ZNF512B: variants seen among roughly 807,000 people sequenced by gnomAD.
The protein encoded by ZNF512B is zinc finger protein 512B.
In ZNF512B, 22 loss-of-function variants were observed where a neutral mutation model predicts 87.8. The ratio of observed to expected loss-of-function variants is 0.25; its 90% CI spans 0.18 to 0.36. The LOEUF (loss-of-function observed/expected upper bound fraction) is 0.36, where lower values mean the gene tolerates loss of function less well. Among genes scored for constraint, ZNF512B ranks in the 10% least tolerant of loss-of-function variants. ZNF512B has a pLI of 1.00. For missense variants in ZNF512B, 1,060 were observed against 1,231.6 expected (o/e 0.86, Z 2.09); for synonymous variants, 524 against 490.9 (o/e 1.07, Z -0.89).
rs1468625427 is a variant in ZNF512B, at chr20:63,967,924, G to A, written c.27C>T (p.Gly9=). The A allele has an allele frequency of 3.1e-6, 5 of 1,612,026 alleles. No individual in the cohort carries two copies. Among genetic ancestry groups the A allele is most frequent in the Non-Finnish European group, 4.2e-6 (5 of 1,179,186 alleles). The change falls in exon 2 of 17, where the codon GGC becomes GGT. Residue 9 remains glycine, a synonymous_variant. Coordinates refer to ENST00000369888, the MANE Select transcript of ZNF512B (RefSeq NM_020713.3). Reference sequence around the variant, plus strand: ...TCTTGCTGGACCCCGGGAGCCGACGGCCTCCAACGCAGAAAGGATCCGTCA... The same window carrying A: ...TCTTGCTGGACCCCGGGAGCCGACGACCTCCAACGCAGAAAGGATCCGTCA... The part of the protein sequence containing the change: MTDPFCVG[G]RRLPGSSKSG...
rs745982685 is a variant in ZNF512B, at chr20:63,966,113, C to G, written c.1034+28G>C. 41 of 356,056 alleles carry G rather than the reference C, an allele frequency of 1.2e-4. 6 individuals are homozygous for G. Among genetic ancestry groups the G allele is most frequent in the Non-Finnish European group, 1.8e-4 (40 of 228,078 alleles). The allele number at this position is 356,056 out of a possible 1,614,324, so 22.1% of individuals were successfully genotyped here. On this transcript the variant is annotated intron_variant, in intron 5 of 16. Coordinates refer to ENST00000369888, the MANE Select transcript of ZNF512B (RefSeq NM_020713.3). Reference sequence around the variant, plus strand: ...CCCATACCTTTTCTTACCACTGTTCCTCCCCGACCTGGGACGAGCCCCCAT... The same window carrying G: ...CCCATACCTTTTCTTACCACTGTTCGTCCCCGACCTGGGACGAGCCCCCAT...
At chr20:63,964,876 C>G (rs575123337) in intron 5 of ZNF512B, among the ~76,000 whole-genome samples, 160 bp from the exon 6 acceptor site, 55 of 74,912 alleles carry the variant, frequency 7.3e-4, no homozygotes, top group African/African-American at 3.9e-3. Context: ...TTTCTTACCA[C>G]TGTTCCCTGA....
chr20:63,962,071 C>G, intron 14 of ZNF512B, 67 bp from the exon 15 acceptor site: 1 of 1,495,818 alleles, frequency 6.7e-7, no homozygotes, highest in Non-Finnish European at 9.1e-7. Context: ...TACCCCTGCC[C>G]TACCCCAGGG....
At position 63,966,595 on chromosome 20, in the gene ZNF512B, C is replaced by G; in HGVS notation, c.580G>C (p.Val194Leu). The change falls in exon 5 of 17, where the codon GTG becomes CTG. Residue 194 changes from valine to leucine, a missense_variant. Physicochemically the swap from Val to Leu is conservative, Grantham distance 32. Around this residue, in one of 9 missense-constraint regions of ZNF512B, gnomAD observed 201 missense variants for 226.8 expected, o/e 0.89. Coordinates refer to ENST00000369888, the MANE Select transcript of ZNF512B (RefSeq NM_020713.3). ...TTGCCAATAGTGACAGGTTTGCTCACTCCGATGGGCTTGCTGACCCCAACA... is the reference window on the plus strand; with the variant it reads ...TTGCCAATAGTGACAGGTTTGCTCAGTCCGATGGGCTTGCTGACCCCAACA... ...RPVGVSKPIG[V>L]SKPVTIGKPV... 6.2e-7 allele frequency: 1 copy of G among 1,613,768 alleles called. No homozygotes were observed. The highest frequency in any genetic ancestry group is 2.2e-5 in the East Asian group (1 of 44,892).
Position 63,961,818 on chromosome 20 carries a change from A to C in ZNF512B, c.2328+124T>G. Reference sequence around the variant, plus strand: ...CCAGTCTCTGGGTTCGTGGAAGAGGAGGCCACGTAGAAAAAGTAGGGGACA... The same window carrying C: ...CCAGTCTCTGGGTTCGTGGAAGAGGCGGCCACGTAGAAAAAGTAGGGGACA... On this transcript the variant is annotated intron_variant, in intron 15 of 16. Transcript: ENST00000369888. This position sits in a 1 kb window ranked among gnomAD's most constrained non-coding sequence, Gnocchi z 6.4. 2 of 1,006,888 alleles carry C rather than the reference A, an allele frequency of 2.0e-6. No individual in the cohort carries two copies. The highest frequency in any genetic ancestry group is 1.6e-5 in the African/African-American group (1 of 62,602). 62.4% of individuals were successfully genotyped at this position (1,006,888 alleles called of 1,614,324 possible). A position where few individuals can be genotyped will look rare whatever the true frequency, so the allele number is the denominator to read the frequency against.
Position 63,963,872 on chromosome 20 carries a change from C to T in ZNF512B, c.1522G>A (p.Gly508Arg), listed in dbSNP as rs762597677. ...TTGCAGGTGGGGCAGACGGCTTCCC[C>T]GCGCTCATGGATGGCCCTCTGCCAC... is the stretch of plus-strand genomic sequence containing the variant. The part of the protein sequence containing the change: ...EQWQRAIHER[G>R]EAVCPTCNVV... Residue 508 changes from glycine to arginine, a missense_variant, in exon 9 of 17, where the codon GGG becomes AGG. Coordinates refer to ENST00000369888, the MANE Select transcript of ZNF512B (RefSeq NM_020713.3). The T allele has an allele frequency of 1.5e-5, 24 of 1,612,270 alleles. No homozygotes were observed. Among genetic ancestry groups the T allele is most frequent in the Non-Finnish European group, 1.8e-5 (21 of 1,180,032 alleles).
Position 63,966,560 on chromosome 20 carries a change from A to T in ZNF512B, c.615T>A (p.Gly205=), listed in dbSNP as rs1053818303. Residue 205 remains glycine (G), a synonymous_variant, in exon 5 of 17, where the codon GGT becomes GGA. Transcript: ENST00000369888. The stretch of plus-strand genomic sequence containing the variant: ...TGCTGATGCCAATGGGTTTGCTGAC[A>T]CCCACAGGTTTGCCAATAGTGACAG... ...SKPVTIGKPV[G]VSKPIGISKP... 6 of 1,613,646 alleles carry T rather than the reference A, an allele frequency of 3.7e-6. No individual in the cohort carries two copies. The highest frequency in any genetic ancestry group is 5.1e-6 in the Non-Finnish European group (6 of 1,180,000).
chr20:63,964,272 C>T lies in ZNF512B; in HGVS notation c.1333+48G>A, dbSNP rs138255867. On this transcript the variant is annotated intron_variant, in intron 7 of 16. Coordinates refer to ENST00000369888, the MANE Select transcript of ZNF512B (RefSeq NM_020713.3). ...AGGGATGGGCTCAGGGGCTGTCACT[C>T]GGTGGACAGCCCCAGCCCTGGAGGT... 593 of 1,612,770 alleles carry T rather than the reference C, an allele frequency of 3.7e-4. 1 individual carries two copies. The African/African-American group carries it at 6.6e-3, about 18-fold the overall frequency.
chr20:63,959,612 C>A lies in ZNF512B; in HGVS notation c.*276G>T. The A allele has an allele frequency of 2.1e-6, 1 of 484,198 alleles. No homozygotes were observed. The highest frequency in any genetic ancestry group is 4.0e-5 in the South Asian group (1 of 24,726). The allele number at this position is 484,198 out of a possible 1,614,324, so 30.0% of individuals were successfully genotyped here. ...CGCTGCAGCCCCTGTGGCACCAAGA[C>A]CCCAGACACATTCCCATGAGGAGGG... On this transcript the variant is annotated 3_prime_UTR_variant, in exon 17 of 17. Coordinates refer to ENST00000369888, the MANE Select transcript of ZNF512B (RefSeq NM_020713.3).
intron 14 of ZNF512B, 66 bp from the exon 15 acceptor site, chr20:63,962,070 C>G: frequency 6.7e-7 from 1 of 1,500,470 alleles, no homozygotes; most frequent in Non-Finnish European, 9.1e-7. Flanking sequence ...ATACCCCTGC[C>G]CTACCCCAGG....
rs1390234870 is a variant in ZNF512B, at chr20:63,964,115, G to A, written c.1436C>T (p.Thr479Ile). The A allele has an allele frequency of 1.2e-6, 2 of 1,609,670 alleles. No individual in the cohort carries two copies. Among genetic ancestry groups the A allele is most frequent in the South Asian group, 1.1e-5 (1 of 90,692 alleles). Reference sequence around the variant, plus strand: ...AGGGGCCGGTGCCTCCTTGCTGACAGTGATGGGGGCAGCTGGCACCTTCTT... The same window carrying A: ...AGGGGCCGGTGCCTCCTTGCTGACAATGATGGGGGCAGCTGGCACCTTCTT... ...ARKKVPAAPI[T>I]VSKEAPAPVA... Residue 479 changes from threonine (T) to isoleucine (I), a missense_variant, in exon 8 of 17, where the codon ACT becomes ATT. By Grantham distance (89) the Thr-to-Ile change is moderately conservative. Around this residue, in one of 9 missense-constraint regions of ZNF512B, gnomAD observed 212 missense variants for 207.6 expected, o/e 1.02. Transcript: ENST00000369888.
chr20:63,959,584 C>G lies in ZNF512B; in HGVS notation c.*304G>C. On this transcript the variant is annotated 3_prime_UTR_variant, in exon 17 of 17. Transcript: ENST00000369888. ...GGGGGCCAAAGGCCATCTGCCTACTCTGCGCTGCAGCCCCTGTGGCACCAA... is the reference window on the plus strand; with the variant it reads ...GGGGGCCAAAGGCCATCTGCCTACTGTGCGCTGCAGCCCCTGTGGCACCAA... The G allele has an allele frequency of 2.4e-6, 1 of 410,636 alleles. No homozygotes were observed. Among genetic ancestry groups the G allele is most frequent in the Non-Finnish European group, 4.3e-6 (1 of 232,274 alleles). The allele number at this position is 410,636 out of a possible 1,614,324, so 25.4% of individuals were successfully genotyped here. A position where few individuals can be genotyped will look rare whatever the true frequency, so the allele number is the denominator to read the frequency against.
chr20:63,964,138 C>T lies in ZNF512B; in HGVS notation c.1413G>A (p.Lys471=). ...QEGPGPEDAR[K]KVPAAPITVS... is the part of the protein sequence containing the mutation. Reference sequence around the variant, plus strand: ...CAGTGATGGGGGCAGCTGGCACCTTCTTCCGGGCGTCCTCAGGGCCTGGCC... The same window carrying T: ...CAGTGATGGGGGCAGCTGGCACCTTTTTCCGGGCGTCCTCAGGGCCTGGCC... The change falls in exon 8 of 17, where the codon AAG becomes AAA. Residue 471 remains lysine (K), a synonymous_variant. Coordinates refer to ENST00000369888, the MANE Select transcript of ZNF512B (RefSeq NM_020713.3). 1 of 1,605,144 alleles carries T rather than the reference C, an allele frequency of 6.2e-7. No homozygotes were observed. Among genetic ancestry groups the T allele is most frequent in the Non-Finnish European group, 8.5e-7 (1 of 1,176,704 alleles).
rs1204246663 is a variant in ZNF512B, at chr20:63,964,712, C to T, written c.1039G>A (p.Ala347Thr). 1 of 1,610,580 alleles carries T rather than the reference C, an allele frequency of 6.2e-7. No individual in the cohort carries two copies. The highest frequency in any genetic ancestry group is 8.5e-7 in the Non-Finnish European group (1 of 1,179,688). ...TGRNSGKKRAADSLDTCPIPP... is the reference protein window; with the variant it reads ...TGRNSGKKRATDSLDTCPIPP... ...ATTGGGCAGGTGTCCAGGCTGTCCG[C>T]AGCCCTGCAGGGAGCAGGTGAGGTG... Residue 347 changes from alanine to threonine, a missense_variant, in exon 6 of 17, where the codon GCG becomes ACG. Transcript: ENST00000369888.
At chr20:63,963,764 C>G in intron 9 of ZNF512B, 25 bp downstream of exon 9, 1 of 1,613,086 alleles carries the variant, frequency 6.2e-7, no homozygotes. Flanking sequence ...GCCTCCCTCC[C>G]AGCGCCTTCC....
chr20:63,968,465 C>T (rs1023937327), intron 1 of ZNF512B, among the ~76,000 whole-genome samples: 2 of 152,184 alleles, frequency 1.3e-5, no homozygotes, highest in African/African-American at 4.8e-5. Flanking sequence ...GGCACAGCTT[C>T]TCACTGGGGC....
In ZNF512B at chr20:63,959,549, A is replaced by C; in HGVS notation, c.*339T>G. 1.6e-5 allele frequency: 5 copies of C among 308,562 alleles called. No homozygotes were observed. Among genetic ancestry groups the C allele is most frequent in the Non-Finnish European group, 3.0e-5 (5 of 168,302 alleles). 19.1% of individuals were successfully genotyped at this position (308,562 alleles called of 1,614,324 possible). A position where few individuals can be genotyped will look rare whatever the true frequency, so the allele number is the denominator to read the frequency against. On this transcript the variant is annotated 3_prime_UTR_variant, in exon 17 of 17. Transcript: ENST00000369888. The stretch of plus-strand genomic sequence containing the variant: ...GAAGGGACCCGGCAGGGCCTGAGGA[A>C]GCGGAGCCGGGGGGCCAAAGGCCAT...
At position 63,967,955 on chromosome 20, in the gene ZNF512B, G is replaced by A. The variant is rs766536478; in HGVS notation, c.-2-3C>T. On this transcript the variant is annotated splice_region_variant and splice_polypyrimidine_tract_variant and intron_variant, in intron 1 of 16. Coordinates refer to ENST00000369888, the MANE Select transcript of ZNF512B (RefSeq NM_020713.3). Reference sequence around the variant, plus strand: ...AACGCAGAAAGGATCCGTCATCTCTGCAGAGCAAGTAGACAATCTGTGAAG... The same window carrying A: ...AACGCAGAAAGGATCCGTCATCTCTACAGAGCAAGTAGACAATCTGTGAAG... 4.2e-5 allele frequency: 67 copies of A among 1,602,414 alleles called. No individual in the cohort carries two copies. Among genetic ancestry groups the A allele is most frequent in the Non-Finnish European group, 5.5e-5 (65 of 1,171,932 alleles).
In ZNF512B at chr20:63,963,371, G is replaced by C; in HGVS notation, c.1768C>G (p.Gln590Glu). 6.5e-7 allele frequency: 1 copy of C among 1,547,744 alleles called. No homozygotes were observed. The highest frequency in any genetic ancestry group is 8.7e-7 in the Non-Finnish European group (1 of 1,151,628). ...ERERLRKVLK[Q>E]MGRLRCPQEG... ...TGGGGGCAGCGCAGCCGTCCCATCT[G>C]CTTCAGCACCTTGCGCAGCCTCTCG... is the stretch of plus-strand genomic sequence containing the variant. The change falls in exon 11 of 17, where the codon CAG (glutamine) becomes GAG (glutamate). Residue 590 changes from glutamine to glutamate, a missense_variant. Gln to Glu is a conservative substitution (Grantham distance 29). Transcript: ENST00000369888.
Sources: allele counts gnomAD v4.1 joint callset (sites outside exome capture counted in the v4.1 genomes callset), GRCh38; gene constraint gnomAD v4.1.1; regional missense constraint gnomAD v4.1.1; non-coding constraint Gnocchi (gnomAD v3.1); transcripts MANE v1.5; gene names NCBI Gene and HGNC (gene_info 2026-07-23, HGNC 2026-07-21).